TMEM35B: variants seen among roughly 807,000 people sequenced by gnomAD.
TMEM35B encodes transmembrane protein 35B, also known as ZMYM6 neighbor protein.
TMEM35B carries 6 observed loss-of-function variants against 8.7 expected under a neutral mutation model. The observed-to-expected ratio is 0.69, with a 90% CI of 0.38 to 1.36. The LOEUF is 1.36. Ranked by LOEUF, TMEM35B falls within the 40% of genes most tolerant of loss-of-function variation. The probability of loss-of-function intolerance (pLI) is 0.02; values close to 1 mark genes in which losing one functional copy is unlikely to be tolerated. For synonymous variants in TMEM35B, 89 were observed against 87.0 expected, an observed-to-expected ratio of 1.02 and a Z score of -0.13; for missense variants, 176 against 181.6, an observed-to-expected ratio of 0.97 and a Z score of 0.18.
chr1:34,983,456 G>A (rs1216557599), intron 2 of TMEM35B, among the ~76,000 whole-genome samples: 2 of 151,868 alleles, frequency 1.3e-5, no homozygotes, highest in Admixed American at 6.6e-5. Context: ...GCAGGCGCCT[G>A]TAGTCCCAGC....
exon 3 of TMEM35B, chr1:34,981,609 A>G (rs555637400): frequency 6.4e-6 from 1 of 156,032 alleles, no homozygotes; most frequent in East Asian, 1.9e-4. Flanking sequence ...TTTAAAAAAA[A>G]TATATATCTG....
chr1:34,982,457 CTTTTTT>C (rs540924637), intron 2 of TMEM35B, among the ~76,000 whole-genome samples: 1 of 129,738 alleles, frequency 7.7e-6, no homozygotes, highest in Non-Finnish European at 1.6e-5. Context: ...TTCTCCTTTC[CTTTTTT>C]TTTTTTTTTT....
exon 3 of TMEM35B, chr1:34,982,033 T>TCAG: frequency 6.5e-7 from 1 of 1,550,232 alleles, no homozygotes; most frequent in Non-Finnish European, 8.7e-7. Context: ...TGGCCGACAT[T>TCAG]CAGCAGCAGC....
At chr1:34,982,243 TCC>T (rs1221748066) in intron 2 of TMEM35B, 124 bp from the exon 3 acceptor site, 36 of 732,740 alleles carry the variant, frequency 4.9e-5, no homozygotes, top group Non-Finnish European at 7.0e-5. Flanking sequence ...CCCCCACCAC[TCC>T]TAACGCACAT....
chr1:34,985,198 C>T (rs1341061963), exon 1 of TMEM35B: 41 of 1,535,568 alleles, frequency 2.7e-5, no homozygotes, highest in Non-Finnish European at 3.3e-5. Context: ...CGCCGCTCAC[C>T]ATCCGCTCCG....
rs1445107958 is a variant in TMEM35B, at chr1:34,982,331, A to G, written c.290-212T>C. ...GGAAATTAGAAGCCTCTTGAACAAC[A>G]GCAGCAGTGGCAACAGTTGCCCCTC... On this transcript the variant is annotated intron_variant, in intron 2 of 2. Coordinates refer to ENST00000373337, the Ensembl canonical transcript of TMEM35B. Among the ~76,000 whole-genome samples the G allele has an allele frequency of 2.0e-5, 3 of 152,108 alleles. 1 individual carries two copies. Among genetic ancestry groups the G allele is most frequent in the Non-Finnish European group, 4.4e-5 (3 of 67,994 alleles).
intron 2 of TMEM35B, 75 bp from the exon 3 acceptor site, chr1:34,982,194 T>C (rs1640514307): frequency 1.5e-6 from 2 of 1,373,772 alleles, no homozygotes; most frequent in Non-Finnish European, 1.9e-6. Context: ...CTCTCTAGTT[T>C]AGGCTGACCC....
In TMEM35B at chr1:34,983,192, T is replaced by A. The variant is rs369437908; in HGVS notation, c.289+575A>T. Among the ~76,000 whole-genome samples, 15 of 152,312 alleles carry A rather than the reference T, an allele frequency of 9.8e-5. 1 individual carries two copies. The East Asian group carries it at 2.7e-3, about 27-fold the overall frequency. On this transcript the variant is annotated intron_variant, in intron 2 of 2. Transcript: ENST00000373337. ...GCAGAGGCGCTGAGCTTGCAATATA[T>A]CTTCACAAGGCAATACTATGCAGCC... is the stretch of plus-strand genomic sequence containing the variant.
At chr1:34,982,253 C>T in intron 2 of TMEM35B, 134 bp from the exon 3 acceptor site, 1 of 664,736 alleles carries the variant, frequency 1.5e-6, no homozygotes, top group Non-Finnish European at 2.4e-6. Flanking sequence ...TCCTAACGCA[C>T]ATTCCCAAAA....
exon 3 of TMEM35B, chr1:34,981,856 G>C (rs1441211325): frequency 7.6e-7 from 1 of 1,317,264 alleles, no homozygotes; most frequent in Non-Finnish European, 1.0e-6. Context: ...GCTGACCCTG[G>C]ATATTATACT....
chr1:34,983,577 T>TGAAAAAAAA (rs1640529623), intron 2 of TMEM35B, among the ~76,000 whole-genome samples, 190 bp downstream of exon 2: 1 of 41,270 alleles, frequency 2.4e-5, no homozygotes, highest in Non-Finnish European at 3.2e-5. Context: ...AGACTCCATC[T>TGAAAAAAAA]CAAAAAAAAA....
intron 2 of TMEM35B, among the ~76,000 whole-genome samples, chr1:34,982,864 C>A (rs1361171110): frequency 6.6e-6 from 1 of 152,142 alleles, no homozygotes; most frequent in Non-Finnish European, 1.5e-5. Context: ...TGGGAAAGAT[C>A]TGAAAATGGG....
exon 3 of TMEM35B, chr1:34,981,791 T>C: frequency 3.3e-6 from 2 of 608,346 alleles, no homozygotes; most frequent in East Asian, 6.6e-5. Context: ...AAAAGAGTAG[T>C]AAAGCTAAAA....
Position 34,985,186 on chromosome 1 carries a change from C to T in TMEM35B, c.108+12G>A, listed in dbSNP as rs112186626. 34 of 1,530,478 alleles carry T rather than the reference C, an allele frequency of 2.2e-5. 1 individual carries two copies. Among genetic ancestry groups the T allele is most frequent in the African/African-American group, 1.7e-4 (12 of 70,676 alleles). 94.8% of individuals were successfully genotyped at this position (1,530,478 alleles called of 1,614,324 possible). On this transcript the variant is annotated intron_variant, in intron 1 of 2. Coordinates refer to ENST00000373337, the Ensembl canonical transcript of TMEM35B. Reference sequence around the variant, plus strand: ...CGGGCCCGATCCCCTGCCGCCCGCCCGCGCCGCTCACCATCCGCTCCGAAA... The same window carrying T: ...CGGGCCCGATCCCCTGCCGCCCGCCTGCGCCGCTCACCATCCGCTCCGAAA...
chr1:34,982,015 C>G (rs1258238205), exon 3 of TMEM35B: 2 of 1,550,534 alleles, frequency 1.3e-6, no homozygotes, highest in Admixed American at 2.0e-5. Flanking sequence ...TTAGTCTGGG[C>G]TAAGAGCTGG....
exon 3 of TMEM35B, chr1:34,982,099 C>T: frequency 6.5e-7 from 1 of 1,546,918 alleles, no homozygotes; most frequent in East Asian, 2.4e-5. Flanking sequence ...TCTTTCAGAG[C>T]TGCCAAGGTG....
At chr1:34,982,987 G>A (rs1640522854) in intron 2 of TMEM35B, among the ~76,000 whole-genome samples, 1 of 152,198 alleles carries the variant, frequency 6.6e-6, no homozygotes, top group Non-Finnish European at 1.5e-5. Context: ...AGCTGTCTTT[G>A]TACATCAGCA....
At position 34,983,578 on chromosome 1, in the gene TMEM35B, C is replaced by CAAA. The variant is rs1163962621; in HGVS notation, c.289+186_289+188dup. On this transcript the variant is annotated intron_variant, in intron 2 of 2. Coordinates refer to ENST00000373337, the Ensembl canonical transcript of TMEM35B. The stretch of plus-strand genomic sequence containing the variant: ...TGGGCGAAAGAGCGAGACTCCATCT[C>CAAA]AAAAAAAAAAAAAAAAAAAAAAAAA... 1.3e-3 allele frequency among the ~76,000 whole-genome samples: 30 copies of CAAA among 23,204 alleles called. 2 individuals carry two copies. The highest frequency in any genetic ancestry group is 2.7e-3 in the African/African-American group (21 of 7,740). 15.2% of individuals were successfully genotyped at this position (23,204 alleles called of 152,430 possible).
chr1:34,985,076 C>G, intron 1 of TMEM35B, 122 bp downstream of exon 1: 1 of 712,866 alleles, frequency 1.4e-6, no homozygotes, highest in African/African-American at 1.9e-5. Flanking sequence ...AGGCGCTTTC[C>G]CCCAGCTCCA....
Sources: gnomAD v4.1 joint callset for allele counts (sites outside exome capture counted in the v4.1 genomes callset) on GRCh38, gnomAD v4.1.1 for gene constraint, MANE v1.5 for transcripts, NCBI Gene and HGNC (gene_info 2026-07-23, HGNC 2026-07-21) for gene names.